The following MAD1L1 variants were observed in gnomAD, a reference collection of about 807,000 sequenced individuals.
MAD1L1 encodes mitotic arrest deficient 1 like 1.
A neutral mutation model predicts 96.9 loss-of-function variants in MAD1L1; 95 were observed. The ratio of observed to expected loss-of-function variants is 0.98; its 90% confidence interval spans 0.83 to 1.16. The LOEUF (loss-of-function observed/expected upper bound fraction) is 1.16, where lower values mean the gene tolerates loss of function less well. Among genes scored for constraint, MAD1L1 ranks in the 50% most tolerant of loss-of-function variants. The pLI is 0.00. For synonymous variants in MAD1L1, 473 were observed against 396.6 expected (o/e 1.19, Z -2.29); for missense variants, 1,007 against 954.4 (o/e 1.06, Z -0.73).
intron 15 of MAD1L1, among the ~76,000 whole-genome samples, chr7:1,964,120 G>C (rs191564958): frequency 5.9e-5 from 9 of 152,330 alleles, no homozygotes; most frequent in Admixed American, 5.9e-4. Context: ...GGCCCAGGGT[G>C]GGTGTTCCTG....
At chr7:2,123,684 G>T (rs753721858) in intron 11 of MAD1L1, among the ~76,000 whole-genome samples, 1 of 152,222 alleles carries the variant, frequency 6.6e-6, no homozygotes, top group Non-Finnish European at 1.5e-5. Context: ...GCGAGTCGGA[G>T]GCAATTAAGC....
intron 11 of MAD1L1, among the ~76,000 whole-genome samples, chr7:2,084,284 G>A (rs560959671): frequency 1.3e-5 from 2 of 152,248 alleles, no homozygotes; most frequent in Non-Finnish European, 2.9e-5. Context: ...GGGACAGAAA[G>A]GGCCTGTCCA....
At chr7:2,178,961 A>C (rs1486738513) in intron 10 of MAD1L1, among the ~76,000 whole-genome samples, 1 of 152,184 alleles carries the variant, frequency 6.6e-6, no homozygotes, top group Non-Finnish European at 1.5e-5. Context: ...GATTTCATCA[A>C]AATCAAAAAT....
intron 10 of MAD1L1, among the ~76,000 whole-genome samples, chr7:2,211,685 A>G (rs926537183): frequency 3.9e-5 from 6 of 152,236 alleles, no homozygotes; most frequent in Non-Finnish European, 7.3e-5. Context: ...TGTGTTCTAC[A>G]GGGGGAGTTC....
chr7:2,089,898 G>A (rs1433653267), intron 11 of MAD1L1, among the ~76,000 whole-genome samples: 3 of 152,224 alleles, frequency 2.0e-5, no homozygotes, highest in East Asian at 3.9e-4. Flanking sequence ...AGATCAGAGT[G>A]GGCTGAAGGG....
intron 11 of MAD1L1, among the ~76,000 whole-genome samples, chr7:2,082,215 G>C (rs2128539591): frequency 6.6e-6 from 1 of 152,196 alleles, no homozygotes; most frequent in African/African-American, 2.4e-5. Flanking sequence ...GTGAGTGTGA[G>C]GGGGCTGTGC....
chr7:2,052,715 C>T (rs894547690), intron 12 of MAD1L1, among the ~76,000 whole-genome samples: 1 of 152,220 alleles, frequency 6.6e-6, no homozygotes, highest in Non-Finnish European at 1.5e-5. Flanking sequence ...TAAAGGGGTA[C>T]ACCATCAAAA....
At chr7:2,130,760 G>T (rs139782634) in intron 11 of MAD1L1, among the ~76,000 whole-genome samples, 28 of 152,268 alleles carry the variant, frequency 1.8e-4, no homozygotes, top group African/African-American at 6.5e-4. Context: ...TCCAGTCACC[G>T]ATCTTTGTGA....
At chr7:2,212,960 A>C (rs751688058) in intron 10 of MAD1L1, among the ~76,000 whole-genome samples, 54 of 152,234 alleles carry the variant, frequency 3.5e-4, no homozygotes, top group Non-Finnish European at 7.3e-4. Flanking sequence ...GACGCCTGCC[A>C]CTGGTTTGCT....
rs555699534 is a variant in MAD1L1, at chr7:1,896,644, C to T, written c.1998+1556G>A. Among the ~76,000 whole-genome samples, 16 of 152,342 alleles carry T rather than the reference C, an allele frequency of 1.1e-4. No individual in the cohort carries two copies. In the East Asian group the frequency reaches 2.5e-3, roughly 24 times the overall value. On this transcript the variant is annotated intron_variant, in intron 18 of 18. Transcript: ENST00000265854. Reference sequence around the variant, plus strand: ...GAAGCAGGACAGCGGCCACCTTTCGCGGGAAGATGACGAGTGGCTTGCTTC... The same window carrying T: ...GAAGCAGGACAGCGGCCACCTTTCGTGGGAAGATGACGAGTGGCTTGCTTC...
chr7:2,219,010 T>C (rs754675681), intron 6 of MAD1L1, among the ~76,000 whole-genome samples: 1 of 152,086 alleles, frequency 6.6e-6, no homozygotes, highest in Admixed American at 6.5e-5. Flanking sequence ...CAGTGAGCCA[T>C]GATTACACCA....
At chr7:2,205,796 T>C (rs769484773) in intron 10 of MAD1L1, among the ~76,000 whole-genome samples, 3 of 152,246 alleles carry the variant, frequency 2.0e-5, no homozygotes, top group Non-Finnish European at 4.4e-5. Flanking sequence ...GACCATCTTT[T>C]CATGTCCTTA....
At chr7:1,974,406 C>G (rs1201791602) in intron 15 of MAD1L1, among the ~76,000 whole-genome samples, 1 of 152,194 alleles carries the variant, frequency 6.6e-6, no homozygotes, top group Non-Finnish European at 1.5e-5. Context: ...GAACAGGGTT[C>G]ACTAGGAGAA....
At chr7:1,977,889 G>A (rs1391655874) in intron 15 of MAD1L1, among the ~76,000 whole-genome samples, 2 of 152,226 alleles carry the variant, frequency 1.3e-5, no homozygotes, top group African/African-American at 4.8e-5. Context: ...CACAGATGCT[G>A]GAAGCCACAG....
chr7:1,947,047 G>A (rs577076097), intron 16 of MAD1L1, among the ~76,000 whole-genome samples: 31 of 152,318 alleles, frequency 2.0e-4, no homozygotes, highest in African/African-American at 6.7e-4. Flanking sequence ...TCTGGGCCTC[G>A]GCTTCCCATC....
intron 16 of MAD1L1, among the ~76,000 whole-genome samples, chr7:1,956,644 G>GCC (rs10647604): frequency 0.97 from 147,766 of 152,264 alleles, 71,843 homozygotes; most frequent in Middle Eastern, 1. Context: ...GACACTGCCA[G>GCC]CCACTCCTCA....
intron 10 of MAD1L1, among the ~76,000 whole-genome samples, chr7:2,182,949 A>G (rs773072533): frequency 2.6e-5 from 4 of 152,114 alleles, no homozygotes; most frequent in Non-Finnish European, 4.4e-5. Context: ...GCGGCAGGGC[A>G]TGGTGGCTCA....
intron 15 of MAD1L1, among the ~76,000 whole-genome samples, chr7:1,967,389 A>C (rs140799735): frequency 6.6e-6 from 1 of 152,380 alleles, no homozygotes; most frequent in East Asian, 1.9e-4. Context: ...AATGGTAGCA[A>C]TGAAAAGACA....
At chr7:1,838,738 G>A (rs1488351237) in intron 18 of MAD1L1, 1 of 470,930 alleles carries the variant, frequency 2.1e-6, no homozygotes, top group African/African-American at 2.0e-5. Context: ...AAGATAGACT[G>A]TGATGATGGC....
Sources: allele counts gnomAD v4.1 joint callset (sites outside exome capture counted in the v4.1 genomes callset), GRCh38; gene constraint gnomAD v4.1.1; transcripts MANE v1.5; gene names NCBI Gene and HGNC (gene_info 2026-07-23, HGNC 2026-07-21).